DPP9: variants seen among roughly 807,000 people sequenced by gnomAD.
DPP9 encodes the protein dipeptidyl peptidase 9.
DPP9 carries 50 observed loss-of-function variants against 110.7 expected under a neutral mutation model. The ratio of observed to expected loss-of-function variants is 0.45; its 90% CI spans 0.36 to 0.57. The LOEUF is 0.57. Ranked by LOEUF, DPP9 falls within the 20% of genes least tolerant of loss-of-function variation. The pLI, the probability that DPP9 is intolerant of heterozygous loss-of-function variation, is 0.00. For synonymous variants in DPP9, 561 were observed against 514.4 expected, an observed-to-expected ratio of 1.09 and a Z score of -1.23; for missense variants, 1,022 against 1,217.9, an observed-to-expected ratio of 0.84 and a Z score of 2.39.
In DPP9 at chr19:4,710,118, C is replaced by A. The variant is rs980805248; in HGVS notation, c.313+3963G>T. ...CCTCGGACCTCCCTCACCAGCTCTG[C>A]CCCTGCAAACACACCTGATGCCAAC... is the stretch of plus-strand genomic sequence containing the variant. On this transcript the variant is annotated intron_variant, in intron 4 of 21. Coordinates refer to ENST00000262960, the MANE Select transcript of DPP9 (RefSeq NM_139159.5). The surrounding 1 kb of genome is among the most constrained non-coding windows in gnomAD (Gnocchi z 5.6). Among the ~76,000 whole-genome samples, 1 of 152,220 alleles carries A rather than the reference C, an allele frequency of 6.6e-6. No homozygotes were observed. The highest frequency in any genetic ancestry group is 1.5e-5 in the Non-Finnish European group (1 of 68,034).
In DPP9 at chr19:4,705,869, C is replaced by G. The variant is rs766684824; in HGVS notation, c.415G>C (p.Asp139His). Reference protein sequence around the residue: ...LLLLSWKQMLDHFQATPHHGV... With the variant: ...LLLLSWKQMLHHFQATPHHGV... ...ATAGCACAGCTTACCTGGAAATGAT[C>G]CAGCATCTGCTTCCAGGACAGGAGC... The change falls in exon 5 of 22, where the codon GAT becomes CAT. Residue 139 changes from aspartate (D) to histidine (H), a missense_variant. Asp to His is a moderately conservative substitution (Grantham distance 81, BLOSUM62 -1). This residue lies in a region of DPP9 where 810 missense variants were observed against 920.6 expected (regional missense o/e 0.88). Coordinates refer to ENST00000262960, the MANE Select transcript of DPP9 (RefSeq NM_139159.5). The G allele has an allele frequency of 2.5e-6, 4 of 1,613,798 alleles. No homozygotes were observed. The highest frequency in any genetic ancestry group is 1.7e-5 in the Admixed American group (1 of 59,996).
Position 4,689,602 on chromosome 19 carries a change from G to A in DPP9, c.1717C>T (p.Pro573Ser), listed in dbSNP as rs368337277. 5.1e-6 allele frequency: 8 copies of A among 1,572,356 alleles called. No homozygotes were observed. The highest frequency in any genetic ancestry group is 6.9e-6 in the Non-Finnish European group (8 of 1,160,164). The change falls in exon 15 of 22, where the codon CCC becomes TCC. Residue 573 changes from proline (P) to serine (S), a missense_variant. Around this residue, in one of 3 missense-constraint regions of DPP9, gnomAD observed 810 missense variants for 920.6 expected, o/e 0.88. Coordinates refer to ENST00000262960, the MANE Select transcript of DPP9 (RefSeq NM_139159.5). The surrounding 1 kb of genome is among the most constrained non-coding windows in gnomAD (Gnocchi z 7.0). ...ATGGAGCAGCTATGGGAGAAGCCGG[G>A]CGTGGTGAGGCGTACGATCTCGCCG... ...AAGEIVRLTT[P>S]GFSHSCSMSQ... is the part of the protein sequence containing the mutation.
In DPP9 at chr19:4,702,027, C is replaced by G; in HGVS notation, c.1012G>C (p.Gly338Arg). Residue 338 changes from glycine (G) to arginine (R), a missense_variant and splice_region_variant, in exon 9 of 22, where the codon GGC becomes CGC. Physicochemically the swap from Gly to Arg is moderately radical, Grantham distance 125 (BLOSUM62 -2). Coordinates refer to ENST00000262960, the MANE Select transcript of DPP9 (RefSeq NM_139159.5). ...KTDSYRYPRT[G>R]SKNPKIALKL... is the part of the protein sequence containing the mutation. ...CCCCTCACATGTACCGGGCACTCAC[C>G]TGTCCTGGGGTACCGATACGAGTCC... is the stretch of plus-strand genomic sequence containing the variant. 2 of 1,613,160 alleles carry G rather than the reference C, an allele frequency of 1.2e-6. No individual in the cohort carries two copies. Among genetic ancestry groups the G allele is most frequent in the Non-Finnish European group, 8.5e-7 (1 of 1,179,430 alleles).
rs561537471 is a variant in DPP9, at chr19:4,702,778, C to T, written c.770-62G>A. The T allele has an allele frequency of 1.3e-4, 127 of 1,009,486 alleles. 1 individual carries two copies. Among genetic ancestry groups the T allele is most frequent in the Middle Eastern group, 6.7e-4 (3 of 4,468 alleles). 62.5% of individuals were successfully genotyped at this position (1,009,486 alleles called of 1,614,324 possible). On this transcript the variant is annotated intron_variant, in intron 7 of 21. Transcript: ENST00000262960. ...GCAGCCTGCTAACACTGGGGACAGC[C>T]AGGGGCTCAAGGAGAGCATGAGAGA...
chr19:4,718,033 C>T lies in DPP9; in HGVS notation c.56+1818G>A, dbSNP rs2093157915. The T allele has an allele frequency of 1.3e-5, 2 of 152,300 alleles. No individual in the cohort carries two copies. Among genetic ancestry groups the T allele is most frequent in the Non-Finnish European group, 1.5e-5 (1 of 68,086 alleles). 9.4% of individuals were successfully genotyped at this position (152,300 alleles called of 1,614,324 possible). A position where few individuals can be genotyped will look rare whatever the true frequency, so the allele number is the denominator to read the frequency against. On this transcript the variant is annotated intron_variant, in intron 3 of 21. Coordinates refer to ENST00000262960, the MANE Select transcript of DPP9 (RefSeq NM_139159.5). This position sits in a 1 kb window ranked among gnomAD's most constrained non-coding sequence, Gnocchi z 4.3. ...ACCACCAGCAAACAGCTCCAGACCT[C>T]CTAGCATGGTCTCTGTCAAGGCTGG...
In DPP9 at chr19:4,694,701, G is replaced by A. The variant is rs2091638589; in HGVS notation, c.1476C>T (p.Ser492=). Residue 492 remains serine, a synonymous_variant, in exon 13 of 22, where the codon TCC becomes TCT. Transcript: ENST00000262960. The surrounding 1 kb of genome is among the most constrained non-coding windows in gnomAD (Gnocchi z 4.0). The part of the protein sequence containing the change: ...HLYKVTAVLK[S]QGYDWSEPFS... ...AGGGCTCACTCCAATCGTAGCCCTG[G>A]GATTTTAAAACGGCGGTGACTTTGT... is the stretch of plus-strand genomic sequence containing the variant. 5 of 1,613,168 alleles carry A rather than the reference G, an allele frequency of 3.1e-6. No homozygotes were observed. The highest frequency in any genetic ancestry group is 4.2e-6 in the Non-Finnish European group (5 of 1,179,568).
rs190997387 is a variant in DPP9, at chr19:4,689,192, G to A, written c.1750-300C>T. ...CACTGCACAGGCCTGCAAGCTTGCT[G>A]GCTCCACAGCTGGCAAACTGCAGCT... On this transcript the variant is annotated intron_variant, in intron 15 of 21. Transcript: ENST00000262960. The surrounding 1 kb of genome is among the most constrained non-coding windows in gnomAD (Gnocchi z 7.0). Among the ~76,000 whole-genome samples the A allele has an allele frequency of 6.6e-6, 1 of 152,332 alleles. No individual in the cohort carries two copies. The highest frequency in any genetic ancestry group is 1.5e-5 in the Non-Finnish European group (1 of 68,022).
In DPP9 at chr19:4,693,188, G is replaced by A. The variant is rs2091479243; in HGVS notation, c.1516+1473C>T. Among the ~76,000 whole-genome samples the A allele has an allele frequency of 6.6e-6, 1 of 152,074 alleles. No individual in the cohort carries two copies. The highest frequency in any genetic ancestry group is 2.4e-5 in the African/African-American group (1 of 41,420). ...GGGATGCCACTTGGTGCACAGGATG[G>A]CCCCGCCCCAGAGAACCACCCGGCC... On this transcript the variant is annotated intron_variant, in intron 13 of 21. Transcript: ENST00000262960. The surrounding 1 kb of genome is among the most constrained non-coding windows in gnomAD (Gnocchi z 5.0).
intron 8 of DPP9, among the ~76,000 whole-genome samples, 180 bp from the exon 9 acceptor site, chr19:4,702,335 C>T (rs1568321072): frequency 6.6e-6 from 1 of 152,224 alleles, no homozygotes; most frequent in Non-Finnish European, 1.5e-5. Context: ...GCTTCAGTTT[C>T]CTCCCCTGTG....
chr19:4,678,811 T>C (rs1247410652), intron 21 of DPP9, among the ~76,000 whole-genome samples: 10 of 151,896 alleles, frequency 6.6e-5, no homozygotes, highest in Non-Finnish European at 1.2e-4. Context: ...CCACAGGTAA[T>C]AAAACCTGGC....
In DPP9 at chr19:4,695,312, G is replaced by T. The variant is rs953623295; in HGVS notation, c.1353+66C>A. 2.7e-6 allele frequency: 4 copies of T among 1,457,712 alleles called. No individual in the cohort carries two copies. The highest frequency in any genetic ancestry group is 3.7e-6 in the Non-Finnish European group (4 of 1,094,528). The allele number at this position is 1,457,712 out of a possible 1,614,324, so 90.3% of individuals were successfully genotyped here. A position where few individuals can be genotyped will look rare whatever the true frequency, so the allele number is the denominator to read the frequency against. ...CCATTGGCGCTCAGCCTTCTAGGAC[G>T]TGGGGGTGGGGACAGTGTGACTCCA... On this transcript the variant is annotated intron_variant, in intron 12 of 21. Coordinates refer to ENST00000262960, the MANE Select transcript of DPP9 (RefSeq NM_139159.5). The surrounding 1 kb of genome is among the most constrained non-coding windows in gnomAD (Gnocchi z 4.7).
intron 1 of DPP9, chr19:4,722,834 G>A (rs1313766278): frequency 7.8e-6 from 3 of 382,530 alleles, no homozygotes; most frequent in African/African-American, 2.1e-5. Flanking sequence ...CTCGAAAGCA[G>A]GTTGGTTCTT....
chr19:4,680,775 G>C (rs933823827), intron 20 of DPP9, among the ~76,000 whole-genome samples: 1 of 152,108 alleles, frequency 6.6e-6, no homozygotes, highest in Non-Finnish European at 1.5e-5. Context: ...TGGGCAACAT[G>C]GTGAAACCCC....
At chr19:4,708,274 C>T (rs2092682092) in intron 4 of DPP9, among the ~76,000 whole-genome samples, 1 of 152,326 alleles carries the variant, frequency 6.6e-6, no homozygotes, top group South Asian at 2.1e-4. Context: ...GGCTGTAGAA[C>T]ACGCCTTTTC....
intron 10 of DPP9, 64 bp from the exon 11 acceptor site, chr19:4,697,715 G>T: frequency 2.2e-6 from 3 of 1,390,948 alleles, no homozygotes; most frequent in Non-Finnish European, 3.0e-6. Context: ...GGAGGAGAAG[G>T]CCACTGCGCT....
At chr19:4,720,959 G>A (rs1323279980) in intron 2 of DPP9, among the ~76,000 whole-genome samples, 3 of 152,224 alleles carry the variant, frequency 2.0e-5, no homozygotes, top group Admixed American at 2.0e-4. Flanking sequence ...GGATTTCAAT[G>A]TGTGCAGCCT....
At chr19:4,680,656 T>TAAAAAAAAAAAAAA (rs531015203) in intron 20 of DPP9, among the ~76,000 whole-genome samples, 2 of 127,370 alleles carry the variant, frequency 1.6e-5, no homozygotes, top group Admixed American at 1.7e-4. Flanking sequence ...GAGCTATGAT[T>TAAAAAAAAAAAAAA]AAAAAAAAAA....
chr19:4,702,127 G>A lies in DPP9; in HGVS notation c.912C>T (p.Ile304=). ...CGGACTCATCGACTTCCTCATACAG[G>A]ATTCGCAGCGTCTTGAGGCCCTCTG... The part of the protein sequence containing the change: ...EGSEGLKTLR[I]LYEEVDESEV... The change falls in exon 9 of 22, where the codon ATC becomes ATT. Residue 304 remains isoleucine, a synonymous_variant. Transcript: ENST00000262960. 6.2e-7 allele frequency: 1 copy of A among 1,613,770 alleles called. No homozygotes were observed. The highest frequency in any genetic ancestry group is 8.5e-7 in the Non-Finnish European group (1 of 1,179,712).
At position 4,720,549 on chromosome 19, in the gene DPP9, A is replaced by G. The variant is rs189655892; in HGVS notation, c.-35-608T>C. ...CCCCCATCACCACACCCAGACGCTG[A>G]TACAATGGCCTGGACCATAATTCCA... On this transcript the variant is annotated intron_variant, in intron 2 of 21. Transcript: ENST00000262960. Among the ~76,000 whole-genome samples the G allele has an allele frequency of 7.7e-3, 1,167 of 152,292 alleles. 10 individuals carry two copies. Among genetic ancestry groups the G allele is most frequent in the South Asian group, 0.017 (83 of 4,828 alleles).
Sources: gnomAD v4.1 joint callset for allele counts (sites outside exome capture counted in the v4.1 genomes callset) on GRCh38, gnomAD v4.1.1 for gene constraint, gnomAD v4.1.1 regional missense constraint, Gnocchi (gnomAD v3.1) non-coding constraint, MANE v1.5 for transcripts, NCBI Gene and HGNC (gene_info 2026-07-23, HGNC 2026-07-21) for gene names.